SIDT1: variants seen among roughly 807,000 people sequenced by gnomAD.
The protein encoded by SIDT1 is SID1 transmembrane family member 1.
Under a neutral mutation model 107.5 loss-of-function variants are expected in SIDT1, and 101 were observed. The observed-to-expected ratio is 0.94, with a 90% CI of 0.80 to 1.11. The LOEUF (loss-of-function observed/expected upper bound fraction) is 1.11. SIDT1 is among the 50% of genes least tolerant of loss of function. The pLI, the probability that SIDT1 is intolerant of heterozygous loss-of-function variation, is 0.00. For missense variants in SIDT1, 1,076 were observed against 1,058.2 expected (o/e 1.02, Z -0.23); for synonymous variants, 395 against 398.2 (o/e 0.99, Z 0.10).
chr3:113,583,641 G>GA (rs1353184467), intron 7 of SIDT1, 145 bp downstream of exon 7: 21 of 496,942 alleles, frequency 4.2e-5, no homozygotes, highest in South Asian at 1.4e-4. Flanking sequence ...AGATACTTGA[G>GA]AAAAAAAACG....
At chr3:113,561,300 T>C (rs1941406731) in intron 1 of SIDT1, among the ~76,000 whole-genome samples, 1 of 152,356 alleles carries the variant, frequency 6.6e-6, no homozygotes, top group African/African-American at 2.4e-5. Flanking sequence ...CTGCCCAATG[T>C]CTTCTATCTC....
the SIDT1 span, among the ~76,000 whole-genome samples, chr3:113,635,759 C>T: frequency 2.0e-5 from 3 of 151,170 alleles, no homozygotes; most frequent in Non-Finnish European, 4.4e-5. Flanking sequence ...CCCAGCTTCT[C>T]GGGAGGCTGA....
intron 23 of SIDT1, among the ~76,000 whole-genome samples, chr3:113,625,205 C>T (rs1274513291): frequency 6.6e-6 from 1 of 151,934 alleles, no homozygotes; most frequent in Non-Finnish European, 1.5e-5. Context: ...GGCGCAATCT[C>T]GGCTCACTGC....
At chr3:113,565,586 C>T (rs536906029) in intron 1 of SIDT1, among the ~76,000 whole-genome samples, 14 of 152,270 alleles carry the variant, frequency 9.2e-5, no homozygotes, top group African/African-American at 3.4e-4. Flanking sequence ...TCCAAAGTTA[C>T]ATTCACTTTC....
chr3:113,597,262 C>T (rs985079635), intron 10 of SIDT1, among the ~76,000 whole-genome samples: 1 of 151,936 alleles, frequency 6.6e-6, no homozygotes, highest in Non-Finnish European at 1.5e-5. Flanking sequence ...TTTGGGAGGC[C>T]GAGGCGGGTG....
chr3:113,587,815 C>G (rs1241749928), intron 9 of SIDT1, among the ~76,000 whole-genome samples: 1 of 152,144 alleles, frequency 6.6e-6, no homozygotes, highest in Non-Finnish European at 1.5e-5. Flanking sequence ...GAGCCTTAGG[C>G]CTAAAGCAGG....
At chr3:113,619,433 G>C (rs1005108162) in intron 20 of SIDT1, among the ~76,000 whole-genome samples, 5 of 152,228 alleles carry the variant, frequency 3.3e-5, no homozygotes, top group African/African-American at 1.2e-4. Flanking sequence ...GGAAGAAATA[G>C]AGTCCTGCTT....
intron 11 of SIDT1, chr3:113,602,348 C>T (rs1276018727): frequency 6.6e-6 from 1 of 152,238 alleles, no homozygotes; most frequent in Non-Finnish European, 1.5e-5. Context: ...AGCATGTGGG[C>T]TCAGTGCAGA....
chr3:113,623,987 T>C (rs984339847), intron 23 of SIDT1, among the ~76,000 whole-genome samples: 1 of 152,246 alleles, frequency 6.6e-6, no homozygotes, highest in African/African-American at 2.4e-5. Flanking sequence ...ATTACGACGC[T>C]GGTCCCAGTG....
chr3:113,610,964 A>G (rs1945691168), intron 17 of SIDT1, 44 bp from the exon 18 acceptor site: 2 of 1,599,794 alleles, frequency 1.3e-6, no homozygotes, highest in South Asian at 2.2e-5. Context: ...TCTGTCTGTC[A>G]CCTACTGAAT....
intron 10 of SIDT1, among the ~76,000 whole-genome samples, chr3:113,594,079 G>C (rs78181165): frequency 0.013 from 1,961 of 152,230 alleles, 52 homozygotes; most frequent in African/African-American, 0.043. Flanking sequence ...AGATGTTTAG[G>C]TGTGTGTTTT....
rs3732797 is a variant in SIDT1 at position 113,604,940 on chromosome 3, G to T, written c.1368G>T (p.Ala456=). The T allele has an allele frequency of 4.4e-5, 71 of 1,613,756 alleles. No individual in the cohort carries two copies. In the East Asian group the frequency reaches 1.6e-3, roughly 36 times the overall value. ...WNIITIAVFY[A]LPVIQLVITY... is the part of the protein sequence containing the mutation. ...TCATCACCATTGCTGTGTTTTACGC[G>T]CTGCCCGTGATCCAGCTGGTCATTA... The change falls in exon 14 of 25, where the codon GCG becomes GCT. Residue 456 remains alanine (A), a synonymous_variant. Coordinates refer to ENST00000264852, the MANE Select transcript of SIDT1 (RefSeq NM_017699.3).
chr3:113,584,870 G>T, intron 8 of SIDT1, 101 bp downstream of exon 8: 1 of 865,158 alleles, frequency 1.2e-6, no homozygotes. Context: ...ATTGTCATAA[G>T]AAAACTAAAG....
chr3:113,538,367 G>C (rs1177591488), intron 1 of SIDT1, among the ~76,000 whole-genome samples: 1 of 152,220 alleles, frequency 6.6e-6, no homozygotes, highest in African/African-American at 2.4e-5. Flanking sequence ...ACGCAGACTT[G>C]ATAATCAGGT....
chr3:113,606,794 A>G, intron 14 of SIDT1: 1 of 396,502 alleles, frequency 2.5e-6, no homozygotes, highest in Admixed American at 3.9e-5. Context: ...GATGAATTCC[A>G]CCTTGGGGCT....
downstream of SIDT1, among the ~76,000 whole-genome samples, chr3:113,633,302 T>C (rs1947105035): frequency 6.6e-6 from 1 of 152,128 alleles, no homozygotes; most frequent in Non-Finnish European, 1.5e-5. Flanking sequence ...TTTGAAGAAA[T>C]AGGCTTCTTG....
intron 24 of SIDT1, 54 bp downstream of exon 24, chr3:113,626,269 C>A: frequency 8.3e-7 from 1 of 1,206,804 alleles, no homozygotes; most frequent in South Asian, 1.3e-5. Flanking sequence ...ATCTTGTACT[C>A]TCTTTTTCTT....
intron 9 of SIDT1, among the ~76,000 whole-genome samples, chr3:113,592,369 G>A (rs1311509419): frequency 1.3e-5 from 2 of 152,128 alleles, no homozygotes; most frequent in Non-Finnish European, 2.9e-5. Flanking sequence ...GAATTTTATG[G>A]TATGTGAATT....
intron 1 of SIDT1, among the ~76,000 whole-genome samples, chr3:113,543,525 C>T (rs532372899): frequency 6.6e-6 from 1 of 152,226 alleles, no homozygotes; most frequent in Admixed American, 6.5e-5. Flanking sequence ...CTTGCTCCCA[C>T]CCACTCATGT....
Sources: gnomAD v4.1 joint callset for allele counts (sites outside exome capture counted in the v4.1 genomes callset) on GRCh38, gnomAD v4.1.1 for gene constraint, MANE v1.5 for transcripts, NCBI Gene and HGNC (gene_info 2026-07-23, HGNC 2026-07-21) for gene names.